LRP1B: variants seen among roughly 807,000 people sequenced by gnomAD.
LRP1B encodes the protein low-density lipoprotein receptor-related protein 1B.
LRP1B carries 217 observed loss-of-function variants against 556.6 expected under a neutral mutation model. The observed-to-expected ratio is 0.39, with a 90% CI of 0.35 to 0.44. LRP1B has a LOEUF of 0.44. LRP1B is among the 20% of genes least tolerant of loss of function. The pLI is 1.00. For synonymous variants in LRP1B, 2,047 were observed against 1,865.8 expected (o/e 1.10, Z -2.50); for missense variants, 5,053 against 5,620.8 (o/e 0.90, Z 3.23).
At chr2:141,322,156 A>C (rs1353013707) in intron 3 of LRP1B, among the ~76,000 whole-genome samples, 3 of 152,076 alleles carry the variant, frequency 2.0e-5, no homozygotes, top group Non-Finnish European at 4.4e-5. Flanking sequence ...TCTTATTCCC[A>C]GCAGCTTTCC....
intron 1 of LRP1B, among the ~76,000 whole-genome samples, chr2:142,111,414 G>A (rs1291261896): frequency 6.6e-6 from 1 of 152,088 alleles, no homozygotes; most frequent in Non-Finnish European, 1.5e-5. Flanking sequence ...ACTGGGAACA[G>A]CTCAAGTGTA....
At chr2:141,868,199 G>A (rs1177665279) in intron 1 of LRP1B, among the ~76,000 whole-genome samples, 1 of 151,996 alleles carries the variant, frequency 6.6e-6, no homozygotes, top group African/African-American at 2.4e-5. Flanking sequence ...TGTTGCTTGG[G>A]AAATCTCTGA....
At chr2:140,932,900 C>CACAT (rs1352554330) in intron 20 of LRP1B, among the ~76,000 whole-genome samples, 11 of 149,426 alleles carry the variant, frequency 7.4e-5, no homozygotes, top group African/African-American at 2.5e-4. Context: ...CACACACACA[C>CACAT]ACACACACAC....
chr2:142,005,449 A>ACTCTACTT (rs1326221943), intron 1 of LRP1B, among the ~76,000 whole-genome samples: 1 of 152,078 alleles, frequency 6.6e-6, no homozygotes, highest in Non-Finnish European at 1.5e-5. Context: ...GTTTCAACTT[A>ACTCTACTT]CTCTACTTTT....
intron 1 of LRP1B, among the ~76,000 whole-genome samples, chr2:141,936,148 A>G (rs1397064560): frequency 6.6e-6 from 1 of 152,182 alleles, no homozygotes; most frequent in Non-Finnish European, 1.5e-5. Flanking sequence ...TATTCTGTAT[A>G]AGATCAGACA....
chr2:140,799,347 G>A (rs946593213), intron 32 of LRP1B, among the ~76,000 whole-genome samples: 1 of 152,048 alleles, frequency 6.6e-6, no homozygotes, highest in Non-Finnish European at 1.5e-5. Context: ...TCTCCTTCTT[G>A]ATGTGTAAGA....
chr2:141,746,869 C>T (rs548139106), intron 2 of LRP1B, among the ~76,000 whole-genome samples: 24 of 152,124 alleles, frequency 1.6e-4, no homozygotes, highest in Non-Finnish European at 2.5e-4. Flanking sequence ...AAGGTGTGGC[C>T]GCTAAAATAC....
At chr2:140,305,335 G>A (rs1684020214) in intron 83 of LRP1B, among the ~76,000 whole-genome samples, 1 of 152,058 alleles carries the variant, frequency 6.6e-6, no homozygotes, top group Non-Finnish European at 1.5e-5. Flanking sequence ...ATTTTGTTGA[G>A]CAGTGGTTTG....
intron 43 of LRP1B, among the ~76,000 whole-genome samples, chr2:140,577,866 C>G (rs1027815266): frequency 6.6e-6 from 1 of 152,104 alleles, no homozygotes; most frequent in Non-Finnish European, 1.5e-5. Flanking sequence ...GCAGTTGAAT[C>G]TAATTATATT....
intron 90 of LRP1B, 99 bp from the exon 91 acceptor site, chr2:140,233,425 A>G (rs1680559130): frequency 1.4e-6 from 1 of 714,050 alleles, no homozygotes; most frequent in Non-Finnish European, 2.2e-6. Context: ...AACAATATTT[A>G]TATGCAATAC....
intron 2 of LRP1B, among the ~76,000 whole-genome samples, chr2:141,691,796 C>G (rs914611958): frequency 6.6e-6 from 1 of 151,954 alleles, no homozygotes. Flanking sequence ...CAAACTCCAT[C>G]TTCAACCTAA....
intron 41 of LRP1B, among the ~76,000 whole-genome samples, chr2:140,635,646 T>C (rs1427589506): frequency 6.6e-6 from 1 of 151,884 alleles, no homozygotes; most frequent in Non-Finnish European, 1.5e-5. Context: ...CTCTGAGTTT[T>C]ATGTCCTATA....
At chr2:140,805,892 C>T (rs1690697003) in intron 32 of LRP1B, among the ~76,000 whole-genome samples, 1 of 152,072 alleles carries the variant, frequency 6.6e-6, no homozygotes, top group African/African-American at 2.4e-5. Context: ...TACATACACA[C>T]ACACATATAA....
intron 2 of LRP1B, among the ~76,000 whole-genome samples, chr2:141,510,898 A>C (rs1222550840): frequency 2.4e-4 from 9 of 37,000 alleles, no homozygotes; most frequent in African/African-American, 6.6e-4. Context: ...ACACACACAC[A>C]CACACACACA....
chr2:140,644,996 T>C (rs1684429854), intron 41 of LRP1B, among the ~76,000 whole-genome samples: 1 of 152,170 alleles, frequency 6.6e-6, no homozygotes, highest in South Asian at 2.1e-4. Flanking sequence ...AAAATCTTCC[T>C]CTTAACTACC....
chr2:141,517,706 A>C (rs1684375955), intron 2 of LRP1B, among the ~76,000 whole-genome samples: 1 of 152,214 alleles, frequency 6.6e-6, no homozygotes. Flanking sequence ...CCCACCAAGA[A>C]GTTAGTCAAC....
At chr2:141,364,155 T>C (rs538332000) in intron 3 of LRP1B, among the ~76,000 whole-genome samples, 1 of 152,204 alleles carries the variant, frequency 6.6e-6, no homozygotes, top group Admixed American at 6.5e-5. Flanking sequence ...CATTTGAAAA[T>C]ATCCTAGAAA....
intron 18 of LRP1B, 76 bp downstream of exon 18, chr2:140,982,084 C>G (rs1280508253): frequency 7.7e-6 from 9 of 1,174,056 alleles, no homozygotes; most frequent in Non-Finnish European, 1.1e-5. Context: ...ATAAATAGCC[C>G]TTTAAGGAGG....
At chr2:141,021,953 A>G (rs947654789) in intron 11 of LRP1B, among the ~76,000 whole-genome samples, 1 of 151,900 alleles carries the variant, frequency 6.6e-6, no homozygotes, top group African/African-American at 2.4e-5. Context: ...TCAGGATTAA[A>G]AAATATTTTA....
Sources: allele counts gnomAD v4.1 joint callset (sites outside exome capture counted in the v4.1 genomes callset), GRCh38; gene constraint gnomAD v4.1.1; transcripts MANE v1.5; gene names NCBI Gene and HGNC (gene_info 2026-07-23, HGNC 2026-07-21).